The following KMT2B variants were observed in gnomAD, a reference collection of about 807,000 sequenced individuals.
KMT2B encodes the protein histone-lysine N-methyltransferase 2B.
In KMT2B, 22 loss-of-function variants were observed where a neutral mutation model predicts 255.3. That is an observed-to-expected ratio of 0.09 (90% confidence interval 0.06 to 0.12). The LOEUF (loss-of-function observed/expected upper bound fraction) is 0.12, where lower values mean the gene tolerates loss of function less well. KMT2B is among the 10% of genes least tolerant of loss of function. The probability of loss-of-function intolerance (pLI) is 1.00; values close to 1 mark genes in which losing one functional copy is unlikely to be tolerated. For missense variants in KMT2B, 3,149 were observed against 3,737.0 expected (o/e 0.84, Z 4.10); for synonymous variants, 1,730 against 1,498.1 (o/e 1.15, Z -3.57).
rs1263499025 is a variant in KMT2B at position 35,720,678 on chromosome 19, C to T, written c.1331C>T (p.Pro444Leu). 9 of 1,481,504 alleles carry T rather than the reference C, an allele frequency of 6.1e-6. No homozygotes were observed. Among genetic ancestry groups the T allele is most frequent in the Non-Finnish European group, 8.0e-6 (9 of 1,118,204 alleles). 91.8% of individuals were successfully genotyped at this position (1,481,504 alleles called of 1,614,324 possible). ...GTGTCCCCACCACCTCTACCATCCC[C>T]TCCACCGCCTCCTGCCCAAGAGGAG... ...PPVSPPPLPS[P>L]PPPPAQEEQE... Residue 444 changes from proline to leucine, a missense_variant, in exon 3 of 37, where the codon CCT (proline) becomes CTT (leucine). Around this residue, in one of 18 missense-constraint regions of KMT2B, gnomAD observed 1,188 missense variants for 1,106.4 expected, o/e 1.07. Transcript: ENST00000420124.
rs116914530 is a variant in KMT2B at position 35,730,624 on chromosome 19, G to A, written c.5276+8G>A. ...CTTCCCCATTGGCTACCAGTGAGCG[G>A]TCGGGGTGATCCATGGGGCCAGGGG... On this transcript the variant is annotated splice_region_variant and intron_variant, in intron 25 of 36. Transcript: ENST00000420124. The A allele has an allele frequency of 0.012, 20,003 of 1,613,944 alleles. 160 individuals are homozygous for A. The highest frequency in any genetic ancestry group is 0.015 in the Non-Finnish European group (17,233 of 1,179,868).
Position 35,720,758 on chromosome 19 carries a change from C to G in KMT2B, c.1411C>G (p.Arg471Gly). The G allele has an allele frequency of 6.8e-7, 1 of 1,474,254 alleles. No individual in the cohort carries two copies. Among genetic ancestry groups the G allele is most frequent in the Non-Finnish European group, 9.0e-7 (1 of 1,111,036 alleles). 91.3% of individuals were successfully genotyped at this position (1,474,254 alleles called of 1,614,324 possible). Residue 471 changes from arginine to glycine, a missense_variant, in exon 3 of 37, where the codon CGG (arginine) becomes GGG (glycine). Arg to Gly is a moderately radical substitution (Grantham distance 125, BLOSUM62 -2). Transcript: ENST00000420124. The part of the protein sequence containing the change: ...VPATCSRKRG[R>G]PPLTPSQRAE... Reference sequence around the variant, plus strand: ...AGCTACGTGCTCCAGGAAGAGGGGCCGGCCTCCCCTGACTCCCAGCCAGCG... The same window carrying G: ...AGCTACGTGCTCCAGGAAGAGGGGCGGGCCTCCCCTGACTCCCAGCCAGCG...
Position 35,732,853 on chromosome 19 carries a change from A to G in KMT2B, c.6304A>G (p.Arg2102Gly), listed in dbSNP as rs773813546. The change falls in exon 28 of 37, where the codon AGG becomes GGG. Residue 2102 changes from arginine to glycine, a missense_variant. By Grantham distance (125) the Arg-to-Gly change is moderately radical. Coordinates refer to ENST00000420124, the MANE Select transcript of KMT2B (RefSeq NM_014727.3). Reference protein sequence around the residue: ...RAGVLGAAGDRARPPEDLPSE... With the variant: ...RAGVLGAAGDGARPPEDLPSE... ...AGGGGTCCTTGGGGCTGCAGGGGAC[A>G]GGGCCCGGCCTCCTGAGGACCTGCC... The G allele has an allele frequency of 6.2e-7, 1 of 1,609,344 alleles. No individual in the cohort carries two copies. Among genetic ancestry groups the G allele is most frequent in the South Asian group, 1.1e-5 (1 of 90,510 alleles).
At position 35,730,372 on chromosome 19, in the gene KMT2B, C is replaced by T; in HGVS notation, c.5107C>T (p.Leu1703Phe). 1.2e-6 allele frequency: 2 copies of T among 1,613,348 alleles called. No homozygotes were observed. Among genetic ancestry groups the T allele is most frequent in the South Asian group, 1.1e-5 (1 of 91,076 alleles). ...TGTGAACCCCGATGGTTTTGATGTT[C>T]TCCGCCGAGTCTATGTGGACTTCGA... Reference protein sequence around the residue: ...EIVNPDGFDVLRRVYVDFEGI... With the variant: ...EIVNPDGFDVFRRVYVDFEGI... The change falls in exon 24 of 37, where the codon CTC becomes TTC. Residue 1703 changes from leucine to phenylalanine, a missense_variant. Around this residue, in one of 18 missense-constraint regions of KMT2B, gnomAD observed 58 missense variants for 96.9 expected, o/e 0.60. Coordinates refer to ENST00000420124, the MANE Select transcript of KMT2B (RefSeq NM_014727.3).
Position 35,720,677 on chromosome 19 carries a change from C to T in KMT2B, c.1330C>T (p.Pro444Ser), listed in dbSNP as rs992604784. Reference sequence around the variant, plus strand: ...AGTGTCCCCACCACCTCTACCATCCCCTCCACCGCCTCCTGCCCAAGAGGA... The same window carrying T: ...AGTGTCCCCACCACCTCTACCATCCTCTCCACCGCCTCCTGCCCAAGAGGA... Reference protein sequence around the residue: ...PPVSPPPLPSPPPPPAQEEQE... With the variant: ...PPVSPPPLPSSPPPPAQEEQE... Residue 444 changes from proline (P) to serine (S), a missense_variant, in exon 3 of 37, where the codon CCT becomes TCT. Pro to Ser is a moderately conservative substitution (Grantham distance 74). Coordinates refer to ENST00000420124, the MANE Select transcript of KMT2B (RefSeq NM_014727.3). The T allele has an allele frequency of 5.4e-6, 8 of 1,481,004 alleles. No homozygotes were observed. Among genetic ancestry groups the T allele is most frequent in the Non-Finnish European group, 7.2e-6 (8 of 1,117,980 alleles). 91.7% of individuals were successfully genotyped at this position (1,481,004 alleles called of 1,614,324 possible).
chr19:35,729,851 A>G (rs2146461241), intron 22 of KMT2B, 116 bp from the exon 23 acceptor site: 3 of 1,022,644 alleles, frequency 2.9e-6, no homozygotes, highest in South Asian at 1.6e-5. Context: ...GGCTGCGCCT[A>G]GGGAGAGCCT....
chr19:35,733,753 CTT>C lies in KMT2B; in HGVS notation c.7050-9_7050-8del. On this transcript the variant is annotated splice_region_variant and splice_polypyrimidine_tract_variant and intron_variant, in intron 29 of 36. Coordinates refer to ENST00000420124, the MANE Select transcript of KMT2B (RefSeq NM_014727.3). The surrounding 1 kb of genome is among the most constrained non-coding windows in gnomAD (Gnocchi z 4.3). Reference sequence around the variant, plus strand: ...TGTCCTTCCCCTTCCTGACAGGTCTCTTCTCGCAGGCCCCTCCAGGAACGGTC... The same window carrying C: ...TGTCCTTCCCCTTCCTGACAGGTCTCCTCGCAGGCCCCTCCAGGAACGGTC... 1 of 1,612,438 alleles carries C rather than the reference CTT, an allele frequency of 6.2e-7. No homozygotes were observed. Among genetic ancestry groups the C allele is most frequent in the Non-Finnish European group, 8.5e-7 (1 of 1,178,948 alleles).
In KMT2B at chr19:35,729,191, C is replaced by T. The variant is rs773488027; in HGVS notation, c.4812C>T (p.Asn1604=). ...GGCGGCTCTTGTACATCGGGCAGAA[C>T]GAGTGGACACACGTCAACTGTGCCA... ...EAGRLLYIGQ[N]EWTHVNCAIW... The change falls in exon 22 of 37, where the codon AAC becomes AAT. Residue 1604 remains asparagine (N), a synonymous_variant. Coordinates refer to ENST00000420124, the MANE Select transcript of KMT2B (RefSeq NM_014727.3). 26 of 1,612,882 alleles carry T rather than the reference C, an allele frequency of 1.6e-5. No individual in the cohort carries two copies. Among genetic ancestry groups the T allele is most frequent in the Admixed American group, 3.3e-5 (2 of 59,788 alleles).
At position 35,726,127 on chromosome 19, in the gene KMT2B, C is replaced by T. The variant is rs1969430628; in HGVS notation, c.3886-109C>T. The T allele has an allele frequency of 1.0e-5, 8 of 790,744 alleles. No individual in the cohort carries two copies. The South Asian group carries it at 1.1e-4, about 11-fold the overall frequency. The allele number at this position is 790,744 out of a possible 1,614,324, so 49.0% of individuals were successfully genotyped here. ...CTGCGTGTTTTCTCCTCTTACCTGT[C>T]CCTCCTTGCCTGCTTCCTGCATATC... On this transcript the variant is annotated intron_variant, in intron 13 of 36. Coordinates refer to ENST00000420124, the MANE Select transcript of KMT2B (RefSeq NM_014727.3).
rs755199038 is a variant in KMT2B at position 35,720,934 on chromosome 19, G to C, written c.1587G>C (p.Met529Ile). The change falls in exon 3 of 37, where the codon ATG (methionine) becomes ATC (isoleucine). Residue 529 changes from methionine to isoleucine, a missense_variant. Met to Ile is a conservative substitution (Grantham distance 10). Transcript: ENST00000420124. ...TGAAGAATATCCGGCAGTTTATTAT[G>C]CCTGTGGTGAGTGCCCGCTCCTCCC... Reference protein sequence around the residue: ...TFLKNIRQFIMPVVSARSSRV... With the variant: ...TFLKNIRQFIIPVVSARSSRV... The C allele has an allele frequency of 6.2e-7, 1 of 1,611,554 alleles. No individual in the cohort carries two copies. Among genetic ancestry groups the C allele is most frequent in the African/African-American group, 1.3e-5 (1 of 74,810 alleles).
At position 35,723,823 on chromosome 19, in the gene KMT2B, A is replaced by C. The variant is rs1393455959; in HGVS notation, c.3150A>C (p.Gly1050=). ...PGPPGPRRGA[G]AGGPREEVVA... ...CTCCAGGCCCACGCCGGGGGGCGGGAGCTGGGGGGCCCCGGGAGGAGGTGG... is the reference window on the plus strand; with the variant it reads ...CTCCAGGCCCACGCCGGGGGGCGGGCGCTGGGGGGCCCCGGGAGGAGGTGG... The change falls in exon 8 of 37, where the codon GGA becomes GGC. Residue 1050 remains glycine, a synonymous_variant. Transcript: ENST00000420124. This position sits in a 1 kb window ranked among gnomAD's most constrained non-coding sequence, Gnocchi z 7.5. 13 of 1,595,202 alleles carry C rather than the reference A, an allele frequency of 8.1e-6. No homozygotes were observed. The highest frequency in any genetic ancestry group is 1.1e-5 in the Non-Finnish European group (13 of 1,170,518).
Position 35,725,787 on chromosome 19 carries a change from C to T in KMT2B, c.3854C>T (p.Pro1285Leu). ...CCGGCCTGTCTGGGGCCCAGCTATC[C>T]AACCCGGGCCACGCGCAAACGGCGC... Reference protein sequence around the residue: ...YHPACLGPSYPTRATRKRRHW... With the variant: ...YHPACLGPSYLTRATRKRRHW... Residue 1285 changes from proline (P) to leucine (L), a missense_variant, in exon 13 of 37, where the codon CCA becomes CTA. Coordinates refer to ENST00000420124, the MANE Select transcript of KMT2B (RefSeq NM_014727.3). This position sits in a 1 kb window ranked among gnomAD's most constrained non-coding sequence, Gnocchi z 4.1. 1 of 1,592,976 alleles carries T rather than the reference C, an allele frequency of 6.3e-7. No homozygotes were observed. Among genetic ancestry groups the T allele is most frequent in the South Asian group, 1.1e-5 (1 of 88,504 alleles).
chr19:35,725,133 A>G lies in KMT2B; in HGVS notation c.3528+46A>G. ...AGTCACAGAGCCTCTGGTTGGAAGA[A>G]CCTCGATGACTGTGTCATCGAGAAG... On this transcript the variant is annotated intron_variant, in intron 10 of 36. Transcript: ENST00000420124. The surrounding 1 kb of genome is among the most constrained non-coding windows in gnomAD (Gnocchi z 4.1). 1 of 1,578,320 alleles carries G rather than the reference A, an allele frequency of 6.3e-7. No individual in the cohort carries two copies. Among genetic ancestry groups the G allele is most frequent in the South Asian group, 1.1e-5 (1 of 90,368 alleles).
chr19:35,734,526 G>C (rs982195755), intron 30 of KMT2B, among the ~76,000 whole-genome samples: 1 of 152,228 alleles, frequency 6.6e-6, no homozygotes, highest in African/African-American at 2.4e-5. Flanking sequence ...GCGGAGCCAT[G>C]GATGGCAGGG....
intron 30 of KMT2B, among the ~76,000 whole-genome samples, chr19:35,734,711 G>A (rs530483768): frequency 2.6e-5 from 4 of 152,298 alleles, no homozygotes; most frequent in Admixed American, 1.3e-4. Context: ...AGCTGGCGGT[G>A]GAGTGGTGGA....
chr19:35,728,014 T>C, intron 18 of KMT2B, 29 bp downstream of exon 18: 3 of 1,545,490 alleles, frequency 1.9e-6, no homozygotes, highest in East Asian at 4.8e-5. Flanking sequence ...GCTTGTGGGG[T>C]GGGGGAGTGG....
At position 35,732,542 on chromosome 19, in the gene KMT2B, T is replaced by C; in HGVS notation, c.5993T>C (p.Leu1998Pro). The C allele has an allele frequency of 6.2e-7, 1 of 1,613,876 alleles. No individual in the cohort carries two copies. Among genetic ancestry groups the C allele is most frequent in the Non-Finnish European group, 8.5e-7 (1 of 1,179,870 alleles). Residue 1998 changes from leucine (L) to proline (P), a missense_variant, in exon 28 of 37, where the codon CTG becomes CCG. Transcript: ENST00000420124. ...AADLDFAASL[L>P]GTEPFQEEIV... ...GACCTGGACTTCGCGGCCAGCCTGC[T>C]GGGGACTGAGCCCTTCCAGGAAGAG...
Position 35,721,083 on chromosome 19 carries a change from C to G in KMT2B, c.1736C>G (p.Pro579Arg), listed in dbSNP as rs761171846. 6.2e-7 allele frequency: 1 copy of G among 1,611,406 alleles called. No individual in the cohort carries two copies. Among genetic ancestry groups the G allele is most frequent in the East Asian group, 2.2e-5 (1 of 44,742 alleles). ...TSPPVPQEPA[P>R]VPSPPRAPTP... is the part of the protein sequence containing the mutation. The stretch of plus-strand genomic sequence containing the variant: ...CCACCTGTTCCCCAGGAGCCAGCAC[C>G]AGTCCCCTCTCCACCACGTGCCCCA... The change falls in exon 3 of 37, where the codon CCA (proline) becomes CGA (arginine). Residue 579 changes from proline to arginine, a missense_variant. Physicochemically the swap from Pro to Arg is moderately radical, Grantham distance 103 (BLOSUM62 -2). This residue lies in a region of KMT2B where 1,188 missense variants were observed against 1,106.4 expected (regional missense o/e 1.07). Coordinates refer to ENST00000420124, the MANE Select transcript of KMT2B (RefSeq NM_014727.3).
rs201381045 is a variant in KMT2B, at chr19:35,727,774, A to G, written c.4379A>G (p.His1460Arg). The G allele has an allele frequency of 3.0e-5, 49 of 1,613,896 alleles. 1 individual carries two copies. The South Asian group carries it at 4.5e-4, about 15-fold the overall frequency. The change falls in exon 17 of 37, where the codon CAC (histidine) becomes CGC (arginine). Residue 1460 changes from histidine (H) to arginine (R), a missense_variant. Coordinates refer to ENST00000420124, the MANE Select transcript of KMT2B (RefSeq NM_014727.3). The surrounding 1 kb of genome is among the most constrained non-coding windows in gnomAD (Gnocchi z 4.2). ...QAVSQRFEDG[H>R]YKSVHSFMED... Reference sequence around the variant, plus strand: ...GTGAGTCAGCGCTTCGAGGATGGCCACTACAAGTCTGTGGTGAGTGGTACA... The same window carrying G: ...GTGAGTCAGCGCTTCGAGGATGGCCGCTACAAGTCTGTGGTGAGTGGTACA...
Sources: gnomAD v4.1 joint callset for allele counts (sites outside exome capture counted in the v4.1 genomes callset) on GRCh38, gnomAD v4.1.1 for gene constraint, gnomAD v4.1.1 regional missense constraint, Gnocchi (gnomAD v3.1) non-coding constraint, MANE v1.5 for transcripts, NCBI Gene and HGNC (gene_info 2026-07-23, HGNC 2026-07-21) for gene names.